SNTG1: variants seen among roughly 807,000 people sequenced by gnomAD.
SNTG1 encodes syntrophin gamma 1, also known as gamma-1-syntrophin.
In SNTG1, 39 loss-of-function variants were observed where a neutral mutation model predicts 74.7. The ratio of observed to expected loss-of-function variants is 0.52; its 90% CI spans 0.40 to 0.68. The LOEUF (loss-of-function observed/expected upper bound fraction) is 0.68, where lower values mean the gene tolerates loss of function less well. SNTG1 is among the 30% of genes least tolerant of loss of function. The pLI, the probability that SNTG1 is intolerant of heterozygous loss-of-function variation, is 0.00. For missense variants in SNTG1, 685 were observed against 609.5 expected (o/e 1.12, Z -1.30); for synonymous variants, 254 against 217.1 (o/e 1.17, Z -1.49).
At chr8:50,732,630 A>G (rs541684309) in intron 17 of SNTG1, among the ~76,000 whole-genome samples, 331 of 151,904 alleles carry the variant, frequency 2.2e-3, no homozygotes, top group Non-Finnish European at 3.8e-3. Flanking sequence ...GAATTTCTGG[A>G]TCAAATAATA....
intron 4 of SNTG1, among the ~76,000 whole-genome samples, chr8:50,426,744 C>T (rs985886837): frequency 6.6e-6 from 1 of 151,984 alleles, no homozygotes; most frequent in African/African-American, 2.4e-5. Context: ...CACAATCACT[C>T]ACCACTTACT....
chr8:50,335,817 A>ATTATTTTATTTTATT (rs71233486), intron 2 of SNTG1, among the ~76,000 whole-genome samples: 5,409 of 141,390 alleles, frequency 0.038, 134 homozygotes, highest in African/African-American at 0.052. Flanking sequence ...TTTATGTTTT[A>ATTATTTTATTTTATT]TTATTTTATT....
rs1043679846 is a variant in SNTG1, at chr8:50,125,241, T to G, written c.-102-47320T>G. Among the ~76,000 whole-genome samples, 4 of 142,540 alleles carry G rather than the reference T, an allele frequency of 2.8e-5. 1 individual carries two copies. The highest frequency in any genetic ancestry group is 2.2e-4 in the Admixed American group (3 of 13,908). 93.5% of individuals were successfully genotyped at this position (142,540 alleles called of 152,430 possible). A position where few individuals can be genotyped will look rare whatever the true frequency, so the allele number is the denominator to read the frequency against. The stretch of plus-strand genomic sequence containing the variant: ...TCAATGGCTCCTCTAAATGTGAAAT[T>G]AAATCCCAGCTAAGAATATAAGCCA... On this transcript the variant is annotated intron_variant, in intron 1 of 18. Transcript: ENST00000642720.
intron 2 of SNTG1, among the ~76,000 whole-genome samples, chr8:50,183,059 C>A (rs2083263304): frequency 6.6e-6 from 1 of 152,112 alleles, no homozygotes; most frequent in Non-Finnish European, 1.5e-5. Flanking sequence ...ACTGTAACGC[C>A]TAATCTGACC....
chr8:50,477,168 C>T (rs1226625068), intron 8 of SNTG1, among the ~76,000 whole-genome samples: 1 of 151,618 alleles, frequency 6.6e-6, no homozygotes, highest in Non-Finnish European at 1.5e-5. Flanking sequence ...TGACTTGCCA[C>T]TTCTTAAGTA....
intron 1 of SNTG1, among the ~76,000 whole-genome samples, chr8:49,938,263 T>A (rs994720408): frequency 6.6e-6 from 1 of 152,206 alleles, no homozygotes; most frequent in Non-Finnish European, 1.5e-5. Flanking sequence ...TCATTGCCCA[T>A]GATGTGTTCC....
intron 13 of SNTG1, among the ~76,000 whole-genome samples, chr8:50,598,723 CTATT>C (rs2094750129): frequency 6.6e-6 from 1 of 151,940 alleles, no homozygotes; most frequent in East Asian, 1.9e-4. Context: ...GACTACCTTT[CTATT>C]TGTTTGGATT....
intron 9 of SNTG1, among the ~76,000 whole-genome samples, chr8:50,516,654 G>T (rs2094136403): frequency 6.6e-6 from 1 of 152,108 alleles, no homozygotes; most frequent in African/African-American, 2.4e-5. Context: ...GCATGCACAA[G>T]TATCAATAGC....
Position 50,283,126 on chromosome 8 carries a change from A to G in SNTG1, c.-28+110491A>G, listed in dbSNP as rs188737194. Among the ~76,000 whole-genome samples the G allele has an allele frequency of 3.2e-3, 481 of 152,346 alleles. 3 individuals carry two copies. The highest frequency in any genetic ancestry group is 0.011 in the African/African-American group (461 of 41,578). ...GAAGCCAAAAAATAAAACATTAAGT[A>G]ATCAACAGTGTTTGAAACAAAAAAG... is the stretch of plus-strand genomic sequence containing the variant. On this transcript the variant is annotated intron_variant, in intron 2 of 18. Coordinates refer to ENST00000642720, the MANE Select transcript of SNTG1 (RefSeq NM_018967.5).
chr8:50,763,502 C>T (rs968097461), intron 18 of SNTG1, among the ~76,000 whole-genome samples: 2 of 151,550 alleles, frequency 1.3e-5, no homozygotes, highest in African/African-American at 4.8e-5. Flanking sequence ...GGCATAGATT[C>T]TCTTCTGGCC....
Position 50,639,139 on chromosome 8 carries a change from G to A in SNTG1, c.850-17770G>A, listed in dbSNP as rs142886853. On this transcript the variant is annotated intron_variant, in intron 13 of 18. Coordinates refer to ENST00000642720, the MANE Select transcript of SNTG1 (RefSeq NM_018967.5). ...CAAAAGTAAAAACTAAGAATAAAATGGAAATACAAGTTTAAAGTTCTGTAA... is the reference window on the plus strand; with the variant it reads ...CAAAAGTAAAAACTAAGAATAAAATAGAAATACAAGTTTAAAGTTCTGTAA... Among the ~76,000 whole-genome samples the A allele has an allele frequency of 1.2e-4, 18 of 151,390 alleles. No homozygotes were observed. The East Asian group carries it at 3.5e-3, about 29-fold the overall frequency.
intron 15 of SNTG1, among the ~76,000 whole-genome samples, chr8:50,696,344 G>A (rs2095405179): frequency 6.6e-6 from 1 of 151,988 alleles, no homozygotes; most frequent in Non-Finnish European, 1.5e-5. Context: ...AGTTGTCTGA[G>A]TTCCTCATAG....
At chr8:50,613,202 A>G (rs534060499) in intron 13 of SNTG1, among the ~76,000 whole-genome samples, 1 of 152,324 alleles carries the variant, frequency 6.6e-6, no homozygotes, top group Admixed American at 6.5e-5. Context: ...TAGAATGCAT[A>G]TGAAAGACTT....
In SNTG1 at chr8:50,002,441, A is replaced by C. The variant is rs146503649; in HGVS notation, c.-103+90210A>C. On this transcript the variant is annotated intron_variant, in intron 1 of 18. Coordinates refer to ENST00000642720, the MANE Select transcript of SNTG1 (RefSeq NM_018967.5). ...TGTTTTTCTGTGAGTTGGTTTATAT[A>C]TTTTCAGTAATAAAAGTGCAATATT... Among the ~76,000 whole-genome samples the C allele has an allele frequency of 8.0e-3, 1,222 of 152,206 alleles. 17 individuals are homozygous for C. Among genetic ancestry groups the C allele is most frequent in the African/African-American group, 0.028 (1,169 of 41,542 alleles).
intron 15 of SNTG1, among the ~76,000 whole-genome samples, chr8:50,699,993 A>C (rs4873155): frequency 0.33 from 50,753 of 152,040 alleles, 10,985 homozygotes; most frequent in African/African-American, 0.61. Flanking sequence ...AATCAACTTG[A>C]CAAGGATTAC....
chr8:50,268,844 A>G (rs1008867794), intron 2 of SNTG1, among the ~76,000 whole-genome samples: 1 of 151,910 alleles, frequency 6.6e-6, no homozygotes, highest in Non-Finnish European at 1.5e-5. Flanking sequence ...TTTATAGTAG[A>G]GAAGAGGTTT....
chr8:50,629,951 T>G lies in SNTG1; in HGVS notation c.850-26958T>G, dbSNP rs1350606210. 2.6e-5 allele frequency among the ~76,000 whole-genome samples: 4 copies of G among 152,192 alleles called. No individual in the cohort carries two copies. In the East Asian group the frequency reaches 7.7e-4, roughly 29 times the overall value. On this transcript the variant is annotated intron_variant, in intron 13 of 18. Transcript: ENST00000642720. ...TATAAATACATGTGGCATTAGTACC[T>G]AGGCCAGGGCCTATGCAATGATAGC...
chr8:49,939,225 T>A lies in SNTG1; in HGVS notation c.-103+26994T>A, dbSNP rs548595657. Among the ~76,000 whole-genome samples the A allele has an allele frequency of 3.3e-5, 5 of 152,254 alleles. No individual in the cohort carries two copies. In the East Asian group the frequency reaches 7.7e-4, roughly 23 times the overall value. On this transcript the variant is annotated intron_variant, in intron 1 of 18. Coordinates refer to ENST00000642720, the MANE Select transcript of SNTG1 (RefSeq NM_018967.5). ...TTTGGCATTAGCCACCCTTTAACTT[T>A]ACCGTTCTAATGGGTATAAATTCAT...
intron 15 of SNTG1, among the ~76,000 whole-genome samples, chr8:50,668,900 T>C (rs1244778906): frequency 6.6e-6 from 1 of 152,048 alleles, no homozygotes; most frequent in East Asian, 1.9e-4. Context: ...TTTGGGTTGG[T>C]TCCACGACTT....
Sources: allele counts gnomAD v4.1 joint callset (sites outside exome capture counted in the v4.1 genomes callset), GRCh38; gene constraint gnomAD v4.1.1; transcripts MANE v1.5; gene names NCBI Gene and HGNC (gene_info 2026-07-23, HGNC 2026-07-21).